The following CDKAL1 variants were observed in gnomAD, a reference collection of about 807,000 sequenced individuals.
The protein encoded by CDKAL1 is CDKAL1 threonylcarbamoyladenosine tRNA methylthiotransferase, also known as threonylcarbamoyladenosine tRNA methylthiotransferase.
In CDKAL1, 32 loss-of-function variants were observed where a neutral mutation model predicts 68.2. The ratio of observed to expected loss-of-function variants is 0.47; its 90% CI spans 0.35 to 0.63. The LOEUF (loss-of-function observed/expected upper bound fraction) is 0.63. Ranked by LOEUF, CDKAL1 falls within the 30% of genes least tolerant of loss-of-function variation. The probability of loss-of-function intolerance (pLI) is 0.00; values close to 1 mark genes in which losing one functional copy is unlikely to be tolerated. For synonymous variants in CDKAL1, 234 were observed against 244.3 expected, an observed-to-expected ratio of 0.96 and a Z score of 0.39; for missense variants, 606 against 696.7, an observed-to-expected ratio of 0.87 and a Z score of 1.47.
chr6:20,764,643 G>A (rs1196077983), intron 7 of CDKAL1, among the ~76,000 whole-genome samples: 1 of 152,172 alleles, frequency 6.6e-6, no homozygotes, highest in East Asian at 1.9e-4. Flanking sequence ...ATCAGTGTGA[G>A]TGACTGAATA....
At chr6:20,718,774 GCAGATTGCAGC>G (rs1772207914) in intron 5 of CDKAL1, among the ~76,000 whole-genome samples, 1 of 152,076 alleles carries the variant, frequency 6.6e-6, no homozygotes, top group African/African-American at 2.4e-5. Flanking sequence ...AAAATTGAGT[GCAGATTGCAGC>G]TTTTGGGAGA....
intron 5 of CDKAL1, among the ~76,000 whole-genome samples, chr6:20,675,395 T>C (rs918429736): frequency 3.9e-5 from 6 of 152,224 alleles, no homozygotes; most frequent in African/African-American, 1.2e-4. Context: ...GTTTAAGCTT[T>C]CTATCTCTAA....
chr6:20,689,297 T>C (rs1190012953), intron 5 of CDKAL1, among the ~76,000 whole-genome samples: 8 of 152,200 alleles, frequency 5.3e-5, no homozygotes, highest in African/African-American at 1.9e-4. Flanking sequence ...TTAACTTTAC[T>C]CTAAAAGTTG....
chr6:20,828,131 A>T (rs1180775105), intron 8 of CDKAL1, among the ~76,000 whole-genome samples: 1 of 152,178 alleles, frequency 6.6e-6, no homozygotes, highest in Non-Finnish European at 1.5e-5. Context: ...CTGTTTTAAT[A>T]AACTTTTATT....
Position 20,934,082 on chromosome 6 carries a change from G to A in CDKAL1, c.743-21337G>A, listed in dbSNP as rs563560906. ...AAATAGATTTCGATTGACACAGGTT[G>A]TAAAACAAATAAACAGCTTTGAGGG... On this transcript the variant is annotated intron_variant, in intron 9 of 15. Transcript: ENST00000274695. 5.9e-5 allele frequency among the ~76,000 whole-genome samples: 9 copies of A among 152,256 alleles called. No individual in the cohort carries two copies. In the East Asian group the frequency reaches 1.5e-3, roughly 26 times the overall value.
At chr6:21,055,361 T>G (rs1271072011) in intron 11 of CDKAL1, among the ~76,000 whole-genome samples, 1 of 152,190 alleles carries the variant, frequency 6.6e-6, no homozygotes, top group African/African-American at 2.4e-5. Context: ...AAAAAACTTT[T>G]TTTGTTTGTT....
rs927182260 is a variant in CDKAL1, at chr6:20,556,829, A to G, written c.286+8124A>G. Among the ~76,000 whole-genome samples the G allele has an allele frequency of 1.2e-4, 18 of 152,126 alleles. No individual in the cohort carries two copies. The East Asian group carries it at 3.3e-3, about 28-fold the overall frequency. On this transcript the variant is annotated intron_variant, in intron 4 of 15. Coordinates refer to ENST00000274695, the MANE Select transcript of CDKAL1 (RefSeq NM_017774.3). Reference sequence around the variant, plus strand: ...GAGGCGGGCAGATCATGAGGTCAGGAGATCGAGGCCATCCTGGCTAACACG... The same window carrying G: ...GAGGCGGGCAGATCATGAGGTCAGGGGATCGAGGCCATCCTGGCTAACACG...
rs975741350 is a variant in CDKAL1 at position 21,125,017 on chromosome 6, T to C, written c.1299+16554T>C. On this transcript the variant is annotated intron_variant, in intron 13 of 15. Coordinates refer to ENST00000274695, the MANE Select transcript of CDKAL1 (RefSeq NM_017774.3). ...CTCAGTGTCTACTCATAAGTTGTTT[T>C]TTGTTTCTAGAAGCCACCGTCACTT... 2.0e-5 allele frequency among the ~76,000 whole-genome samples: 3 copies of C among 152,124 alleles called. No individual in the cohort carries two copies. The East Asian group carries it at 5.8e-4, about 30-fold the overall frequency.
At chr6:21,174,774 C>T (rs901967510) in intron 13 of CDKAL1, among the ~76,000 whole-genome samples, 9 of 151,980 alleles carry the variant, frequency 5.9e-5, no homozygotes, top group African/African-American at 1.9e-4. Context: ...TATAACTATT[C>T]TTCCTTCAAC....
chr6:20,887,807 A>C (rs1259096119), intron 9 of CDKAL1, among the ~76,000 whole-genome samples: 1 of 150,828 alleles, frequency 6.6e-6, no homozygotes, highest in East Asian at 2.0e-4. Context: ...TTTAAGAGAC[A>C]GGGTCTGTTT....
At chr6:21,006,187 G>A (rs1231761768) in intron 11 of CDKAL1, among the ~76,000 whole-genome samples, 1 of 151,914 alleles carries the variant, frequency 6.6e-6, no homozygotes, top group Non-Finnish European at 1.5e-5. Flanking sequence ...AACACAATCT[G>A]ATAAAGCTAT....
At chr6:20,736,558 C>T (rs1263804800) in intron 5 of CDKAL1, among the ~76,000 whole-genome samples, 1 of 152,148 alleles carries the variant, frequency 6.6e-6, no homozygotes, top group African/African-American at 2.4e-5. Flanking sequence ...ATCACGAGGT[C>T]AGGAGATCGA....
chr6:21,219,348 T>C (rs1165039868), intron 15 of CDKAL1, among the ~76,000 whole-genome samples: 1 of 152,222 alleles, frequency 6.6e-6, no homozygotes, highest in Non-Finnish European at 1.5e-5. Context: ...GATTCATGGA[T>C]TCAACATAGT....
chr6:20,694,042 T>TTGTGTGTGTGTGTGTATATGTGTG lies in CDKAL1; in HGVS notation c.371+44680_371+44681insATATGTGTGTGTGTGTGTGTGTGT, dbSNP rs1261180037. Among the ~76,000 whole-genome samples, 166 of 114,382 alleles carry TTGTGTGTGTGTGTGTATATGTGTG rather than the reference T, an allele frequency of 1.5e-3. 1 individual carries two copies. Among genetic ancestry groups the TTGTGTGTGTGTGTGTATATGTGTG allele is most frequent in the African/African-American group, 6.2e-3 (147 of 23,724 alleles). 75.0% of individuals were successfully genotyped at this position (114,382 alleles called of 152,430 possible). On this transcript the variant is annotated intron_variant, in intron 5 of 15. Coordinates refer to ENST00000274695, the MANE Select transcript of CDKAL1 (RefSeq NM_017774.3). Reference sequence around the variant, plus strand: ...CACACACTAACACACCCGGCTAACTTTGTGTGTGTGTGTGTGTGTATGTGT... The same window carrying TTGTGTGTGTGTGTGTATATGTGTG: ...CACACACTAACACACCCGGCTAACTTTGTGTGTGTGTGTGTATATGTGTGTGTGTGTGTGTGTGTGTGTATGTGT...
intron 2 of CDKAL1, among the ~76,000 whole-genome samples, chr6:20,545,515 C>A (rs1296160457): frequency 6.6e-6 from 1 of 152,134 alleles, no homozygotes; most frequent in East Asian, 1.9e-4. Context: ...CGACTCACTG[C>A]AACCTCTGCC....
At chr6:20,647,371 A>T (rs1768522796) in intron 4 of CDKAL1, among the ~76,000 whole-genome samples, 2 of 152,306 alleles carry the variant, frequency 1.3e-5, no homozygotes, top group South Asian at 4.1e-4. Context: ...GAAGCGCCAT[A>T]TGCATGTGGT....
chr6:21,040,426 T>C (rs1416039067), intron 11 of CDKAL1, among the ~76,000 whole-genome samples: 2 of 152,138 alleles, frequency 1.3e-5, no homozygotes, highest in East Asian at 3.9e-4. Flanking sequence ...CTCAGTCAAG[T>C]TGAGATTAAC....
rs200091179 is a variant in CDKAL1 at position 21,039,920 on chromosome 6, TA to T, written c.1056-25127del. Among the ~76,000 whole-genome samples the T allele has an allele frequency of 1.4e-3, 209 of 152,350 alleles. 2 individuals are homozygous for T. The East Asian group carries it at 0.035, about 25-fold the overall frequency. On this transcript the variant is annotated intron_variant, in intron 11 of 15. Transcript: ENST00000274695. ...GTGGAAGAGTTGTGAAAAATTAGTG[TA>T]GTTTCAGTGGCTGATTTTGTGCAGT...
chr6:20,585,886 T>A (rs569121749), intron 4 of CDKAL1, among the ~76,000 whole-genome samples: 1 of 152,138 alleles, frequency 6.6e-6, no homozygotes, highest in African/African-American at 2.4e-5. Context: ...CCCTGGGCTC[T>A]CTGCTTACAT....
Sources: gnomAD v4.1 joint callset for allele counts (sites outside exome capture counted in the v4.1 genomes callset) on GRCh38, gnomAD v4.1.1 for gene constraint, MANE v1.5 for transcripts, NCBI Gene and HGNC (gene_info 2026-07-23, HGNC 2026-07-21) for gene names.